The following MGAT4C variants were observed in gnomAD, a reference collection of about 807,000 sequenced individuals.
The protein encoded by MGAT4C is MGAT4 family member C.
A neutral mutation model predicts 40.1 loss-of-function variants in MGAT4C; 19 were observed. The observed-to-expected ratio is 0.47, with a 90% confidence interval of 0.33 to 0.70. The LOEUF (loss-of-function observed/expected upper bound fraction) is 0.70, where lower values mean the gene tolerates loss of function less well. MGAT4C is among the 30% of genes least tolerant of loss of function. MGAT4C has a pLI of 0.02. For missense variants in MGAT4C, 491 were observed against 563.2 expected, an observed-to-expected ratio of 0.87 and a Z score of 1.30; for synonymous variants, 181 against 187.1, an observed-to-expected ratio of 0.97 and a Z score of 0.27.
At chr12:86,006,706 T>G (rs1326272683) in intron 2 of MGAT4C, among the ~76,000 whole-genome samples, 1 of 152,118 alleles carries the variant, frequency 6.6e-6, no homozygotes, top group East Asian at 1.9e-4. Context: ...TCTGATCAAA[T>G]TTTTCATCCA....
At chr12:86,632,568 T>C (rs1169972946) in intron 2 of MGAT4C, among the ~76,000 whole-genome samples, 1 of 152,130 alleles carries the variant, frequency 6.6e-6, no homozygotes, top group Non-Finnish European at 1.5e-5. Context: ...TATGGAATAC[T>C]ATGCAGCCAT....
At chr12:86,640,154 T>C (rs1565898909) in intron 2 of MGAT4C, among the ~76,000 whole-genome samples, 2 of 151,708 alleles carry the variant, frequency 1.3e-5, no homozygotes, top group Non-Finnish European at 3.0e-5. Context: ...AGAAATATTT[T>C]AGAATAAAAA....
intron 1 of MGAT4C, among the ~76,000 whole-genome samples, chr12:86,251,177 G>T (rs1269389652): frequency 6.7e-6 from 1 of 149,970 alleles, no homozygotes; most frequent in Non-Finnish European, 1.5e-5. Flanking sequence ...ACTGAAAAGG[G>T]TGGAACAACA....
At chr12:86,230,417 TA>T (rs1283372607) in intron 1 of MGAT4C, among the ~76,000 whole-genome samples, 3 of 152,144 alleles carry the variant, frequency 2.0e-5, no homozygotes, top group Non-Finnish European at 4.4e-5. Context: ...ATCAACCATT[TA>T]AAGGAAGTCA....
intron 3 of MGAT4C, among the ~76,000 whole-genome samples, chr12:86,374,289 T>C (rs1185738394): frequency 6.6e-6 from 1 of 152,116 alleles, no homozygotes; most frequent in Non-Finnish European, 1.5e-5. Flanking sequence ...TGAAGGAAGT[T>C]GATTTCTGAA....
At chr12:86,537,055 C>A (rs1455107680) in intron 2 of MGAT4C, among the ~76,000 whole-genome samples, 20 of 152,144 alleles carry the variant, frequency 1.3e-4, no homozygotes, top group Admixed American at 1.3e-3. Context: ...ATGATGAGTT[C>A]ATGTCCTTTG....
intron 3 of MGAT4C, among the ~76,000 whole-genome samples, chr12:86,427,043 C>A (rs1250298647): frequency 1.3e-5 from 2 of 152,124 alleles, no homozygotes; most frequent in African/African-American, 4.8e-5. Context: ...AGTGTCCATG[C>A]CTTATTAATG....
rs374555403 is a variant in MGAT4C at position 86,613,941 on chromosome 12, A to G, written c.-229+113268T>C. Among the ~76,000 whole-genome samples, 13 of 152,248 alleles carry G rather than the reference A, an allele frequency of 8.5e-5. No homozygotes were observed. The East Asian group carries it at 2.1e-3, about 25-fold the overall frequency. On this transcript the variant is annotated intron_variant, in intron 2 of 7. Coordinates refer to the MGAT4C transcript ENST00000548651. ...AAATTGAAAGACATAAAAACACACT[A>G]TCAAAAGATACATGAGGAGATAGGG...
intron 2 of MGAT4C, among the ~76,000 whole-genome samples, chr12:86,463,109 TG>T: frequency 6.6e-6 from 1 of 152,136 alleles, no homozygotes; most frequent in Non-Finnish European, 1.5e-5. Flanking sequence ...AGCCTACATC[TG>T]GAGCCCAGCC....
chr12:86,359,751 A>G (rs1955412573), intron 3 of MGAT4C, among the ~76,000 whole-genome samples: 1 of 152,238 alleles, frequency 6.6e-6, no homozygotes, highest in African/African-American at 2.4e-5. Flanking sequence ...AAATTCCTGG[A>G]CACATACACC....
chr12:86,687,574 CT>C (rs1270968077), intron 2 of MGAT4C, among the ~76,000 whole-genome samples: 2 of 152,150 alleles, frequency 1.3e-5, no homozygotes, highest in Admixed American at 1.3e-4. Flanking sequence ...TTATTTATTT[CT>C]GACTTTATTT....
chr12:86,140,664 T>TA (rs1400865804), intron 1 of MGAT4C, among the ~76,000 whole-genome samples: 4 of 152,004 alleles, frequency 2.6e-5, no homozygotes, highest in Non-Finnish European at 5.9e-5. Flanking sequence ...AAAAATAAAA[T>TA]AAAATAAAAT....
chr12:86,654,721 C>T (rs934037888), intron 2 of MGAT4C, among the ~76,000 whole-genome samples: 4 of 143,742 alleles, frequency 2.8e-5, no homozygotes, highest in African/African-American at 7.5e-5. Flanking sequence ...TTCCCTGTAC[C>T]TTTTTTTTTT....
intron 2 of MGAT4C, among the ~76,000 whole-genome samples, chr12:86,711,096 CG>C (rs1219746302): frequency 1.3e-5 from 2 of 151,974 alleles, no homozygotes; most frequent in Non-Finnish European, 2.9e-5. Context: ...GTACACTGGT[CG>C]GGTGACAGGT....
At chr12:86,120,825 A>G (rs1879260344) in intron 1 of MGAT4C, among the ~76,000 whole-genome samples, 1 of 152,246 alleles carries the variant, frequency 6.6e-6, no homozygotes, top group Admixed American at 6.5e-5. Context: ...TCTAAAAATC[A>G]GAGCGCCTCT....
Position 85,975,081 on chromosome 12 carries a change from T to C in MGAT4C, c.*4208A>G, listed in dbSNP as rs556204794. 4 of 151,052 alleles carry C rather than the reference T, an allele frequency of 2.6e-5. No individual in the cohort carries two copies. The South Asian group carries it at 8.3e-4, about 31-fold the overall frequency. 9.4% of individuals were successfully genotyped at this position (151,052 alleles called of 1,614,324 possible). ...AGATTTCTTAAAACAGAAATGAATATTATTATTTGTGATGAGAGCACTAGG... is the reference window on the plus strand; with the variant it reads ...AGATTTCTTAAAACAGAAATGAATACTATTATTTGTGATGAGAGCACTAGG... On this transcript the variant is annotated 3_prime_UTR_variant, in exon 5 of 5. Coordinates refer to ENST00000611864, the MANE Select transcript of MGAT4C (RefSeq NM_001351288.2).
At chr12:86,513,119 C>G (rs1025458661) in intron 2 of MGAT4C, among the ~76,000 whole-genome samples, 2 of 152,024 alleles carry the variant, frequency 1.3e-5, no homozygotes, top group Non-Finnish European at 2.9e-5. Flanking sequence ...CCCCACAATT[C>G]TTATAATACT....
intron 2 of MGAT4C, among the ~76,000 whole-genome samples, chr12:86,436,568 C>T (rs536437203): frequency 1.3e-4 from 19 of 151,706 alleles, no homozygotes; most frequent in African/African-American, 4.1e-4. Flanking sequence ...ACAGTGAAGA[C>T]AGCATTATTA....
chr12:86,286,812 C>T, intron 4 of MGAT4C, among the ~76,000 whole-genome samples: 1 of 150,498 alleles, frequency 6.6e-6, no homozygotes, highest in East Asian at 2.0e-4. Flanking sequence ...ATGCTTAGCT[C>T]CAACTTGTAA....
Sources: allele counts gnomAD v4.1 joint callset (sites outside exome capture counted in the v4.1 genomes callset), GRCh38; gene constraint gnomAD v4.1.1; transcripts MANE v1.5; gene names NCBI Gene and HGNC (gene_info 2026-07-23, HGNC 2026-07-21).